OPHN1: variants seen among roughly 807,000 people sequenced by gnomAD.
OPHN1 encodes oligophrenin 1.
Under a neutral mutation model 60.7 loss-of-function variants are expected in OPHN1, and 11 were observed. The observed-to-expected ratio is 0.18, with a 90% confidence interval of 0.11 to 0.30. The LOEUF is 0.30. Ranked by LOEUF, OPHN1 falls within the 10% of genes least tolerant of loss-of-function variation. OPHN1 has a pLI of 1.00. For synonymous variants in OPHN1, 226 were observed against 222.6 expected (o/e 1.02, Z -0.14); for missense variants, 449 against 611.0 (o/e 0.73, Z 2.80).
At chrX:68,234,428 C>A in intron 6 of OPHN1, 59 bp downstream of exon 6, 1 of 929,885 alleles carries the variant, frequency 1.1e-6, no homozygotes, top group Non-Finnish European at 1.6e-6. Context: ...GTACAAAATT[C>A]ACACTGTTTC....
At chrX:68,384,734 A>T (rs1378787390) in intron 2 of OPHN1, among the ~76,000 whole-genome samples, 1 of 109,221 alleles carries the variant, frequency 9.2e-6, no homozygotes, top group Non-Finnish European at 1.9e-5. Context: ...AAAAAAAAAA[A>T]GAAGAAGAAT....
chrX:68,302,137 T>C (rs1475945679), intron 2 of OPHN1, among the ~76,000 whole-genome samples: 3 of 112,381 alleles, frequency 2.7e-5, no homozygotes, highest in East Asian at 2.8e-4. Flanking sequence ...CATTTCTTCA[T>C]GGACATCAGT....
At chrX:68,192,503 C>G (rs755108673) in intron 15 of OPHN1, among the ~76,000 whole-genome samples, 5 of 106,842 alleles carry the variant, frequency 4.7e-5, no homozygotes, top group Admixed American at 2.0e-4. Context: ...TGAGAAGAAT[C>G]AGAAGAGTGC....
intron 2 of OPHN1, among the ~76,000 whole-genome samples, chrX:68,334,765 C>T (rs185632098): frequency 5.4e-5 from 6 of 110,343 alleles, no homozygotes; most frequent in African/African-American, 1.6e-4. Flanking sequence ...CCCTTGAGTC[C>T]GGGAGTTTGA....
chrX:68,424,472 T>C lies in OPHN1; in HGVS notation c.154+8395A>G, dbSNP rs145733773. On this transcript the variant is annotated intron_variant, in intron 2 of 24. Transcript: ENST00000355520. ...GGATCATGAGGGCCTTCCACTCCACTAGAAAATAAAATCAGCTCAAGATTT... is the reference window on the plus strand; with the variant it reads ...GGATCATGAGGGCCTTCCACTCCACCAGAAAATAAAATCAGCTCAAGATTT... Among the ~76,000 whole-genome samples, 743 of 111,043 alleles carry C rather than the reference T, an allele frequency of 6.7e-3. 4 individuals are homozygous for C. Among genetic ancestry groups the C allele is most frequent in the African/African-American group, 0.023 (696 of 30,574 alleles).
At chrX:68,052,681 A>T in intron 22 of OPHN1, 91 bp from the exon 23 acceptor site, 1 of 812,213 alleles carries the variant, frequency 1.2e-6, no homozygotes. Context: ...ACTCTGAACC[A>T]GATGGGACAC....
chrX:68,409,474 A>C (rs1414264328), intron 2 of OPHN1, among the ~76,000 whole-genome samples: 2 of 111,746 alleles, frequency 1.8e-5, no homozygotes, highest in African/African-American at 6.5e-5. Flanking sequence ...TTTGCAGACC[A>C]AAATCTCTTT....
At chrX:68,318,989 A>G (rs911351583) in intron 2 of OPHN1, among the ~76,000 whole-genome samples, 4 of 111,677 alleles carry the variant, frequency 3.6e-5, no homozygotes, top group Non-Finnish European at 7.5e-5. Context: ...GGTATACACT[A>G]TCAACATGAT....
intron 2 of OPHN1, among the ~76,000 whole-genome samples, chrX:68,319,170 T>C (rs2078223446): frequency 8.9e-6 from 1 of 111,941 alleles, no homozygotes; most frequent in Admixed American, 9.5e-5. Flanking sequence ...CTACACAAAT[T>C]ATTACCCAAG....
chrX:68,269,121 A>G (rs2077951160), intron 5 of OPHN1, among the ~76,000 whole-genome samples: 1 of 111,846 alleles, frequency 8.9e-6, no homozygotes, highest in Admixed American at 9.5e-5. Context: ...TTCCATCCTC[A>G]TGGGTAGGAA....
At chrX:68,215,090 A>G (rs1052103180) in intron 6 of OPHN1, among the ~76,000 whole-genome samples, 1 of 111,960 alleles carries the variant, frequency 8.9e-6, no homozygotes, top group African/African-American at 3.2e-5. Flanking sequence ...AGCACCTAAG[A>G]ACAGATGGGT....
chrX:68,188,683 T>C (rs1008124875), intron 15 of OPHN1, among the ~76,000 whole-genome samples: 2 of 111,940 alleles, frequency 1.8e-5, no homozygotes, highest in Non-Finnish European at 3.8e-5. Flanking sequence ...GAGTGTGGTA[T>C]ATTTTTGTTT....
intron 2 of OPHN1, among the ~76,000 whole-genome samples, chrX:68,376,930 C>CT (rs34240021): frequency 1.7e-3 from 155 of 90,099 alleles, no homozygotes; most frequent in South Asian, 0.012. Context: ...CTCAAGTAAT[C>CT]TTTTTTTTTT....
rs1001994559 is a variant in OPHN1, at chrX:68,292,266, T to C, written c.250+6735A>G. On this transcript the variant is annotated intron_variant, in intron 3 of 24. Transcript: ENST00000355520. ...CTATAAGCTTGCTATGTTCATGGTA[T>C]ATTATGTCAGAATTATTATGTTATG... Among the ~76,000 whole-genome samples the C allele has an allele frequency of 8.1e-5, 9 of 111,732 alleles. No homozygotes were observed. In the Admixed American group the frequency reaches 8.6e-4, roughly 11 times the overall value.
chrX:68,146,064 T>G (rs1210213142), intron 15 of OPHN1, among the ~76,000 whole-genome samples: 1 of 112,506 alleles, frequency 8.9e-6, no homozygotes, highest in Admixed American at 9.4e-5. Flanking sequence ...TGTCAACTCC[T>G]ATAATAGTTT....
Position 68,207,286 on chromosome X carries a change from G to A in OPHN1, c.833-613C>T, listed in dbSNP as rs187939645. ...TGGGACTACAGGCACCCACCACCAC[G>A]CCCGGCTAACTTTTTGTATTTTTTT... On this transcript the variant is annotated intron_variant, in intron 9 of 24. Coordinates refer to ENST00000355520, the MANE Select transcript of OPHN1 (RefSeq NM_002547.3). 6.1e-3 allele frequency among the ~76,000 whole-genome samples: 657 copies of A among 108,045 alleles called. 8 individuals are homozygous for A. Among genetic ancestry groups the A allele is most frequent in the African/African-American group, 0.021 (626 of 29,554 alleles). The allele number at this position is 108,045 out of a possible 115,157, so 93.8% of individuals were successfully genotyped here. A position where few individuals can be genotyped will look rare whatever the true frequency, so the allele number is the denominator to read the frequency against.
intron 15 of OPHN1, among the ~76,000 whole-genome samples, chrX:68,182,058 C>T (rs975536649): frequency 4.5e-5 from 5 of 110,887 alleles, no homozygotes; most frequent in East Asian, 5.7e-4. Context: ...TAGGATCTCC[C>T]GGACGACTGG....
intron 15 of OPHN1, among the ~76,000 whole-genome samples, chrX:68,190,489 C>T (rs778815443): frequency 8.9e-5 from 10 of 112,041 alleles, no homozygotes; most frequent in Non-Finnish European, 1.9e-4. Context: ...ATATCTAGAA[C>T]TTCCTGGTCT....
chrX:68,385,323 G>A (rs755937405), intron 2 of OPHN1, among the ~76,000 whole-genome samples: 34 of 111,328 alleles, frequency 3.1e-4, no homozygotes, highest in Non-Finnish European at 5.6e-4. Context: ...CAATGGCTGC[G>A]GGTATTTAAA....
Sources: allele counts gnomAD v4.1 joint callset (sites outside exome capture counted in the v4.1 genomes callset), GRCh38; gene constraint gnomAD v4.1.1; transcripts MANE v1.5; gene names NCBI Gene and HGNC (gene_info 2026-07-23, HGNC 2026-07-21).